Variants in SLC39A11 observed in about 807,000 individuals in gnomAD.
The protein encoded by SLC39A11 is solute carrier family 39 member 11.
In SLC39A11, 33 loss-of-function variants were observed where a neutral mutation model predicts 36.1. The observed-to-expected ratio is 0.91, with a 90% confidence interval of 0.69 to 1.22. SLC39A11 has a LOEUF of 1.22. SLC39A11 is among the 50% of genes most tolerant of loss of function. The pLI is 0.00. For synonymous variants in SLC39A11, 166 were observed against 170.3 expected (o/e 0.97, Z 0.20); for missense variants, 432 against 430.3 (o/e 1.00, Z -0.03).
At chr17:73,056,829 A>G (rs182874941) in intron 3 of SLC39A11, among the ~76,000 whole-genome samples, 1 of 152,220 alleles carries the variant, frequency 6.6e-6, no homozygotes, top group Non-Finnish European at 1.5e-5. Context: ...GTGCTTTTCT[A>G]GAGAAAGAGA....
chr17:72,842,133 A>G (rs1011985689), intron 6 of SLC39A11, among the ~76,000 whole-genome samples: 1 of 151,698 alleles, frequency 6.6e-6, no homozygotes, highest in African/African-American at 2.4e-5. Context: ...TCATGGCCCC[A>G]TAAATATACA....
At chr17:73,019,200 G>A (rs986096386) in intron 4 of SLC39A11, among the ~76,000 whole-genome samples, 1 of 152,148 alleles carries the variant, frequency 6.6e-6, no homozygotes, top group Admixed American at 6.5e-5. Flanking sequence ...TCTCCAGATG[G>A]AAGAAAAATA....
chr17:72,745,335 G>C (rs1187445535), intron 6 of SLC39A11, among the ~76,000 whole-genome samples: 1 of 152,226 alleles, frequency 6.6e-6, no homozygotes, highest in Non-Finnish European at 1.5e-5. Flanking sequence ...CTTCCTGCCA[G>C]ACTATGGTCC....
At chr17:72,702,329 G>A (rs958527985) in intron 7 of SLC39A11, among the ~76,000 whole-genome samples, 5 of 152,168 alleles carry the variant, frequency 3.3e-5, no homozygotes, top group Non-Finnish European at 7.3e-5. Flanking sequence ...GTACTACCTA[G>A]GGTGGTGGTC....
intron 3 of SLC39A11, among the ~76,000 whole-genome samples, chr17:73,053,815 G>A (rs1167704459): frequency 6.6e-6 from 1 of 152,196 alleles, no homozygotes; most frequent in African/African-American, 2.4e-5. Flanking sequence ...TGGCATGACT[G>A]CATCCTGAGA....
rs368821243 is a variant in SLC39A11, at chr17:73,031,092, C to T, written c.306+464G>A. 4.3e-4 allele frequency among the ~76,000 whole-genome samples: 66 copies of T among 152,272 alleles called. No individual in the cohort carries two copies. In the South Asian group the frequency reaches 0.013, roughly 31 times the overall value. ...ATCAGTAAATGGCAGGTGTGAGCTCCAGCCCAGACCCCTGCTGCACAGAGC... is the reference window on the plus strand; with the variant it reads ...ATCAGTAAATGGCAGGTGTGAGCTCTAGCCCAGACCCCTGCTGCACAGAGC... On this transcript the variant is annotated intron_variant, in intron 4 of 9. Transcript: ENST00000255559.
At chr17:72,919,597 G>A (rs543837980) in intron 5 of SLC39A11, among the ~76,000 whole-genome samples, 12 of 151,252 alleles carry the variant, frequency 7.9e-5, no homozygotes, top group South Asian at 2.1e-4. Context: ...GCGAGAACCC[G>A]GGAGGTGGAG....
intron 6 of SLC39A11, among the ~76,000 whole-genome samples, chr17:72,772,809 C>T (rs1046441393): frequency 3.3e-5 from 5 of 152,146 alleles, no homozygotes; most frequent in Admixed American, 1.3e-4. Flanking sequence ...ACAGGCTGGG[C>T]GCAGTGGCTC....
At chr17:73,065,773 T>G (rs897389855) in intron 3 of SLC39A11, among the ~76,000 whole-genome samples, 1 of 152,162 alleles carries the variant, frequency 6.6e-6, no homozygotes, top group Non-Finnish European at 1.5e-5. Flanking sequence ...GAGAACACAT[T>G]AGGCTTAACT....
intron 6 of SLC39A11, among the ~76,000 whole-genome samples, chr17:72,803,103 A>T (rs1223448863): frequency 1.3e-5 from 2 of 152,250 alleles, no homozygotes; most frequent in East Asian, 3.8e-4. Flanking sequence ...TGGTTTCCCA[A>T]ATAGAAGATT....
At chr17:72,941,986 T>C (rs1245130602) in intron 5 of SLC39A11, among the ~76,000 whole-genome samples, 2 of 151,982 alleles carry the variant, frequency 1.3e-5, no homozygotes, top group African/African-American at 4.8e-5. Flanking sequence ...GTTCAAGTGA[T>C]TCTCCTGCCT....
chr17:72,655,266 C>A (rs1374411994), intron 7 of SLC39A11, among the ~76,000 whole-genome samples: 1 of 152,258 alleles, frequency 6.6e-6, no homozygotes, highest in Non-Finnish European at 1.5e-5. Context: ...CGCCCCGCTG[C>A]TTGTTGGGCA....
chr17:72,940,529 G>C (rs2085039674), intron 5 of SLC39A11, among the ~76,000 whole-genome samples: 1 of 152,310 alleles, frequency 6.6e-6, no homozygotes, highest in Non-Finnish European at 1.5e-5. Flanking sequence ...ACCTGCCTCG[G>C]CCTCCCGAAG....
intron 6 of SLC39A11, among the ~76,000 whole-genome samples, chr17:72,745,827 A>T (rs1402774890): frequency 2.0e-5 from 3 of 152,228 alleles, no homozygotes; most frequent in Non-Finnish European, 4.4e-5. Context: ...TTGATTTAAA[A>T]AAGTATTTAA....
rs188407962 is a variant in SLC39A11, at chr17:72,996,300, G to A, written c.306+35256C>T. 2.8e-3 allele frequency among the ~76,000 whole-genome samples: 419 copies of A among 152,226 alleles called. 8 individuals are homozygous for A. Among genetic ancestry groups the A allele is most frequent in the South Asian group, 2.5e-3 (12 of 4,826 alleles). On this transcript the variant is annotated intron_variant, in intron 4 of 9. Transcript: ENST00000255559. ...GGCCTCAGGTTTTACCTCTATGTGC[G>A]TCCACGTTCTTCCCATGGCCTTGTC...
At chr17:72,934,230 G>T (rs1228782902) in intron 5 of SLC39A11, among the ~76,000 whole-genome samples, 1 of 152,056 alleles carries the variant, frequency 6.6e-6, no homozygotes, top group African/African-American at 2.4e-5. Context: ...AAGAAAAACT[G>T]ATAAATTGGC....
At chr17:72,663,462 C>T (rs2070572914) in intron 7 of SLC39A11, among the ~76,000 whole-genome samples, 1 of 152,194 alleles carries the variant, frequency 6.6e-6, no homozygotes, top group South Asian at 2.1e-4. Flanking sequence ...GGAACATCAC[C>T]AGCACCCTGA....
At chr17:72,764,937 C>T (rs1309223758) in intron 6 of SLC39A11, among the ~76,000 whole-genome samples, 2 of 152,168 alleles carry the variant, frequency 1.3e-5, no homozygotes, top group African/African-American at 2.4e-5. Flanking sequence ...ATCTCACCAA[C>T]CTCCATCTCT....
At chr17:72,951,261 C>CAAAAAAA (rs61453793) in intron 4 of SLC39A11, among the ~76,000 whole-genome samples, 7 of 86,986 alleles carry the variant, frequency 8.0e-5, no homozygotes, top group East Asian at 3.4e-4. Context: ...GACCCTGTTG[C>CAAAAAAA]AAAAAAAAAA....
Sources: gnomAD v4.1 joint callset for allele counts (sites outside exome capture counted in the v4.1 genomes callset) on GRCh38, gnomAD v4.1.1 for gene constraint, MANE v1.5 for transcripts, NCBI Gene and HGNC (gene_info 2026-07-23, HGNC 2026-07-21) for gene names.